The following ZSCAN25 variants were observed in gnomAD, a reference collection of about 807,000 sequenced individuals.
The protein encoded by ZSCAN25 is zinc finger and SCAN domain-containing protein 25.
In ZSCAN25, 27 loss-of-function variants were observed where a neutral mutation model predicts 38.7. That is an observed-to-expected ratio of 0.70 (90% CI 0.51 to 0.96). The LOEUF is 0.96. Among genes scored for constraint, ZSCAN25 ranks in the 40% least tolerant of loss-of-function variants. ZSCAN25 has a pLI of 0.00. For synonymous variants in ZSCAN25, 273 were observed against 277.7 expected (o/e 0.98, Z 0.17); for missense variants, 637 against 705.9 (o/e 0.90, Z 1.11).
At position 99,624,143 on chromosome 7, in the gene ZSCAN25, G is replaced by A; in HGVS notation, c.768G>A (p.Gly256=). 6.2e-7 allele frequency: 1 copy of A among 1,613,990 alleles called. No individual in the cohort carries two copies. The highest frequency in any genetic ancestry group is 8.5e-7 in the Non-Finnish European group (1 of 1,179,970). ...CCCCAGCCCAGATAGACTGCTTTGG[G>A]GAGTATGTGGAACCGCAGGACTGCA... ...HVTPAQIDCF[G]EYVEPQDCRV... Residue 256 remains glycine (G), a synonymous_variant, in exon 7 of 8, where the codon GGG becomes GGA. Transcript: ENST00000394152.
At chr7:99,677,416 G>T in the ZSCAN25 span, among the ~76,000 whole-genome samples, 1 of 152,208 alleles carries the variant, frequency 6.6e-6, no homozygotes, top group Non-Finnish European at 1.5e-5. Context: ...GACACAGAGG[G>T]ACCTTCCAAA....
chr7:99,648,018 G>A, the ZSCAN25 span: 52 of 985,432 alleles, frequency 5.3e-5, no homozygotes, highest in African/African-American at 9.1e-4. Flanking sequence ...GAGCTCAGGA[G>A]GAGTTGATAA....
the ZSCAN25 span, among the ~76,000 whole-genome samples, chr7:99,679,181 C>T: frequency 2.0e-5 from 3 of 152,262 alleles, no homozygotes; most frequent in Middle Eastern, 3.4e-3. Context: ...GCAAGATAAA[C>T]CATCCTGTGT....
chr7:99,714,479 A>T, the ZSCAN25 span: 3 of 1,552,244 alleles, frequency 1.9e-6, no homozygotes, highest in Non-Finnish European at 1.8e-6. Context: ...CATACAGGGA[A>T]GTGCACCGAT....
the ZSCAN25 span, chr7:99,664,006 T>C: frequency 6.3e-7 from 1 of 1,597,034 alleles, no homozygotes; most frequent in African/African-American, 1.4e-5. Context: ...TTCATTCTGT[T>C]TACAGATTTA....
the ZSCAN25 span, among the ~76,000 whole-genome samples, chr7:99,656,132 G>C: frequency 1.3e-5 from 2 of 152,222 alleles, no homozygotes; most frequent in East Asian, 1.9e-4. Flanking sequence ...TAGGAGTGGT[G>C]AGAGAGGGCA....
chr7:99,676,122 T>C, the ZSCAN25 span: 12 of 1,613,418 alleles, frequency 7.4e-6, no homozygotes, highest in Admixed American at 3.3e-5. Context: ...CACCTGACGA[T>C]AGGACAAAAC....
chr7:99,712,906 T>C, the ZSCAN25 span, among the ~76,000 whole-genome samples: 2 of 152,200 alleles, frequency 1.3e-5, no homozygotes, highest in Admixed American at 6.5e-5. Context: ...AAAGGATATT[T>C]ACACAGTCTC....
At chr7:99,642,853 C>G in the ZSCAN25 span, among the ~76,000 whole-genome samples, 2 of 152,180 alleles carry the variant, frequency 1.3e-5, no homozygotes, top group Non-Finnish European at 2.9e-5. Flanking sequence ...ACATACTAGT[C>G]ACTCAAGCTC....
At chr7:99,696,159 A>G in the ZSCAN25 span, among the ~76,000 whole-genome samples, 1 of 151,992 alleles carries the variant, frequency 6.6e-6, no homozygotes, top group East Asian at 1.9e-4. Flanking sequence ...CTTCCAGGGC[A>G]CTTCATTTCC....
At chr7:99,686,747 G>A in the ZSCAN25 span, among the ~76,000 whole-genome samples, 3 of 150,786 alleles carry the variant, frequency 2.0e-5, no homozygotes, top group Admixed American at 2.0e-4. Context: ...CTAACTGGGA[G>A]GCACCCCCCC....
chr7:99,715,962 C>CT, the ZSCAN25 span: 2 of 1,611,926 alleles, frequency 1.2e-6, no homozygotes, highest in Non-Finnish European at 1.7e-6. Flanking sequence ...CATCCTTCCT[C>CT]TATGCGTGCA....
chr7:99,619,773 C>T lies in ZSCAN25; in HGVS notation c.167C>T (p.Pro56Leu), dbSNP rs1430752400. ...RQFRYQEAAG[P>L]QEALRELQEL... ...TTCCGCTACCAGGAGGCAGCTGGACCCCAGGAAGCTCTTAGGGAGCTCCAG... is the reference window on the plus strand; with the variant it reads ...TTCCGCTACCAGGAGGCAGCTGGACTCCAGGAAGCTCTTAGGGAGCTCCAG... The change falls in exon 4 of 8, where the codon CCC (proline) becomes CTC (leucine). Residue 56 changes from proline (P) to leucine (L), a missense_variant. Coordinates refer to ENST00000394152, the MANE Select transcript of ZSCAN25 (RefSeq NM_145115.3). 1.2e-5 allele frequency: 20 copies of T among 1,614,238 alleles called. No homozygotes were observed. The highest frequency in any genetic ancestry group is 1.7e-5 in the Non-Finnish European group (20 of 1,180,034).
the ZSCAN25 span, among the ~76,000 whole-genome samples, chr7:99,729,349 A>G: frequency 6.6e-6 from 1 of 152,138 alleles, no homozygotes; most frequent in Non-Finnish European, 1.5e-5. Context: ...ACTCATTATA[A>G]AATTTTCTTT....
At chr7:99,628,246 T>C (rs74850093) in intron 7 of ZSCAN25, among the ~76,000 whole-genome samples, 9,082 of 152,316 alleles carry the variant, frequency 0.06, 551 homozygotes, top group East Asian at 0.25. Flanking sequence ...AGTATGTATT[T>C]CATATTTTAT....
the ZSCAN25 span, chr7:99,717,441 G>A: frequency 5.7e-6 from 9 of 1,591,394 alleles, no homozygotes; most frequent in African/African-American, 1.1e-4. Flanking sequence ...CTACTCCTCG[G>A]AAAGGAACTC....
the ZSCAN25 span, chr7:99,662,666 T>G: frequency 2.7e-6 from 2 of 730,742 alleles, no homozygotes; most frequent in Non-Finnish European, 4.5e-6. The surrounding 1 kb of genome is among the most constrained non-coding windows in gnomAD (Gnocchi z 4.3). Flanking sequence ...GGAAAGTGCC[T>G]CCAGCTACCA....
At chr7:99,730,347 A>T in the ZSCAN25 span, among the ~76,000 whole-genome samples, 1 of 152,344 alleles carries the variant, frequency 6.6e-6, no homozygotes, top group South Asian at 2.1e-4. Context: ...AGGTTAATAG[A>T]CAACCACTAT....
At chr7:99,719,927 G>A in the ZSCAN25 span, among the ~76,000 whole-genome samples, 1 of 152,148 alleles carries the variant, frequency 6.6e-6, no homozygotes, top group African/African-American at 2.4e-5. Flanking sequence ...AACCCTGGAG[G>A]TGGAGGTTGC....
Sources: gnomAD v4.1 joint callset for allele counts (sites outside exome capture counted in the v4.1 genomes callset) on GRCh38, gnomAD v4.1.1 for gene constraint, Gnocchi (gnomAD v3.1) non-coding constraint, MANE v1.5 for transcripts, NCBI Gene and HGNC (gene_info 2026-07-23, HGNC 2026-07-21) for gene names.